IL7: variants seen among roughly 807,000 people sequenced by gnomAD.
The protein encoded by IL7 is interleukin-7.
Under a neutral mutation model 21.6 loss-of-function variants are expected in IL7, and 3 were observed. The ratio of observed to expected loss-of-function variants is 0.14; its 90% confidence interval spans 0.06 to 0.36. The LOEUF (loss-of-function observed/expected upper bound fraction) is 0.36, where lower values mean the gene tolerates loss of function less well. IL7 is among the 10% of genes least tolerant of loss of function. The probability of loss-of-function intolerance (pLI) is 1.00; values close to 1 mark genes in which losing one functional copy is unlikely to be tolerated. For missense variants in IL7, 175 were observed against 200.2 expected (o/e 0.87, Z 0.76); for synonymous variants, 62 against 68.1 (o/e 0.91, Z 0.44).
At chr8:78,716,012 C>G (rs1049361399), downstream of IL7, among the ~76,000 whole-genome samples, 6 of 144,396 alleles carry the variant, frequency 4.2e-5, no homozygotes, top group African/African-American at 7.7e-5. Context: ...TGCACTCCAG[C>G]CTCAGTGACA....
At chr8:78,705,781 G>A (rs574072829) in intron 3 of IL7, among the ~76,000 whole-genome samples, 110 of 152,322 alleles carry the variant, frequency 7.2e-4, no homozygotes, top group African/African-American at 2.6e-3. Flanking sequence ...CTGCAGGGCT[G>A]GCTGGAGGTC....
chr8:78,678,567 A>C (rs779628800), intron 4 of IL7: 1 of 1,608,228 alleles, frequency 6.2e-7, no homozygotes, highest in East Asian at 2.2e-5. Context: ...TAACAGAAAA[A>C]ACATGGACCC....
chr8:78,757,306 A>G (rs970891722), intron 2 of IL7, among the ~76,000 whole-genome samples: 12 of 152,114 alleles, frequency 7.9e-5, no homozygotes, highest in Non-Finnish European at 1.6e-4. Flanking sequence ...GTGGACTAGC[A>G]TATGGTTTAT....
At chr8:78,759,006 A>G (rs939609221) in intron 2 of IL7, among the ~76,000 whole-genome samples, 4 of 151,100 alleles carry the variant, frequency 2.6e-5, no homozygotes, top group African/African-American at 9.7e-5. Flanking sequence ...TGTTTGCTTT[A>G]TGGTGTCCTA....
intron 2 of IL7, among the ~76,000 whole-genome samples, chr8:78,744,338 G>A (rs931258601): frequency 6.6e-6 from 1 of 152,184 alleles, no homozygotes; most frequent in Non-Finnish European, 1.5e-5. Flanking sequence ...ATGGCTCAGG[G>A]ACCTGCTTAA....
At chr8:78,737,827 A>C (rs913963220) in intron 4 of IL7, among the ~76,000 whole-genome samples, 1 of 152,134 alleles carries the variant, frequency 6.6e-6, no homozygotes, top group African/African-American at 2.4e-5. Context: ...AAAATAAAGC[A>C]CTGTATTAAA....
chr8:78,792,610 A>C (rs552959331), intron 2 of IL7, among the ~76,000 whole-genome samples: 1 of 152,144 alleles, frequency 6.6e-6, no homozygotes, highest in East Asian at 1.9e-4. Context: ...TGGGTGAAAG[A>C]TTTGAATAAA....
chr8:78,782,519 T>A (rs977293498), intron 2 of IL7, among the ~76,000 whole-genome samples: 3 of 152,138 alleles, frequency 2.0e-5, no homozygotes, highest in African/African-American at 7.2e-5. Flanking sequence ...CCTATTTGCC[T>A]GGGTCTCTCC....
At chr8:78,688,837 T>C (rs1810110750) in intron 3 of IL7, among the ~76,000 whole-genome samples, 1 of 152,142 alleles carries the variant, frequency 6.6e-6, no homozygotes, top group Non-Finnish European at 1.5e-5. Context: ...AAATGTATTT[T>C]AACGTCATGT....
At chr8:78,803,640 A>G (rs905463245) in intron 1 of IL7, among the ~76,000 whole-genome samples, 2 of 152,176 alleles carry the variant, frequency 1.3e-5, no homozygotes, top group African/African-American at 4.8e-5. Flanking sequence ...TCCTTTTCTC[A>G]GTTTACCTTT....
At position 78,771,491 on chromosome 8, in the gene IL7, G is replaced by A. The variant is rs147299854; in HGVS notation, c.147+26581C>T. 2.1e-4 allele frequency among the ~76,000 whole-genome samples: 32 copies of A among 152,144 alleles called. No individual in the cohort carries two copies. In the East Asian group the frequency reaches 5.2e-3, roughly 25 times the overall value. ...AGGAATTATCATTCTGCTGGATATG[G>A]AAGAATAAAGAAACCCTGGTGGCTA... On this transcript the variant is annotated intron_variant, in intron 2 of 5. Coordinates refer to ENST00000263851, the MANE Select transcript of IL7 (RefSeq NM_000880.4).
At chr8:78,773,089 C>T (rs1302833673) in intron 2 of IL7, among the ~76,000 whole-genome samples, 1 of 152,108 alleles carries the variant, frequency 6.6e-6, no homozygotes, top group African/African-American at 2.4e-5. Context: ...GGTCACTTTC[C>T]AAACTGCTTA....
intron 5 of IL7, among the ~76,000 whole-genome samples, chr8:78,720,178 AT>A (rs1811210737): frequency 6.6e-6 from 1 of 151,756 alleles, no homozygotes; most frequent in African/African-American, 2.4e-5. Flanking sequence ...GACATGTTTG[AT>A]TTTTTTCCTT....
At chr8:78,689,369 A>AGGT (rs753658944) in intron 3 of IL7, 7 of 1,579,898 alleles carry the variant, frequency 4.4e-6, no homozygotes, top group Non-Finnish European at 6.0e-6. Flanking sequence ...TCTCGGACAC[A>AGGT]GGTGGTAAGT....
chr8:78,762,900 G>A lies in IL7; in HGVS notation c.148-22818C>T, dbSNP rs148314139. On this transcript the variant is annotated intron_variant, in intron 2 of 5. Coordinates refer to ENST00000263851, the MANE Select transcript of IL7 (RefSeq NM_000880.4). The stretch of plus-strand genomic sequence containing the variant: ...TAACAGTTTCTCTTTTAATTTCATG[G>A]ATTGGCTTCTTTCATAGAGAAAGAC... 9.1e-3 allele frequency among the ~76,000 whole-genome samples: 1,388 copies of A among 152,052 alleles called. 13 individuals carry two copies. The highest frequency in any genetic ancestry group is 0.014 in the Non-Finnish European group (923 of 67,984).
chr8:78,738,654 A>C lies in IL7; in HGVS notation c.229-19T>G. ...TACCTTCCTATTATAGGAAAAAGTC[A>C]GAAGGGCCATGGTTCAAATAAAATA... is the stretch of plus-strand genomic sequence containing the variant. On this transcript the variant is annotated intron_variant, in intron 3 of 5. Coordinates refer to ENST00000263851, the MANE Select transcript of IL7 (RefSeq NM_000880.4). 1 of 1,608,912 alleles carries C rather than the reference A, an allele frequency of 6.2e-7. No homozygotes were observed. The highest frequency in any genetic ancestry group is 2.2e-5 in the East Asian group (1 of 44,796).
chr8:78,724,770 G>A (rs1048796841), intron 3 of IL7, among the ~76,000 whole-genome samples: 6 of 152,016 alleles, frequency 3.9e-5, no homozygotes, highest in African/African-American at 7.2e-5. Flanking sequence ...TTCTCATGCC[G>A]TTCCCTTTTA....
chr8:78,702,635 G>A (rs1365359680), intron 3 of IL7, among the ~76,000 whole-genome samples: 2 of 152,126 alleles, frequency 1.3e-5, no homozygotes, highest in African/African-American at 4.8e-5. Context: ...CCTTAGCTGT[G>A]TTCTAGAGAG....
intron 2 of IL7, among the ~76,000 whole-genome samples, chr8:78,782,547 C>T (rs1456145682): frequency 6.6e-6 from 1 of 152,134 alleles, no homozygotes; most frequent in African/African-American, 2.4e-5. Flanking sequence ...GGGGGTGTCA[C>T]CAGTGGAGGC....
Sources: allele counts gnomAD v4.1 joint callset (sites outside exome capture counted in the v4.1 genomes callset), GRCh38; gene constraint gnomAD v4.1.1; transcripts MANE v1.5; gene names NCBI Gene and HGNC (gene_info 2026-07-23, HGNC 2026-07-21).